CUBN: variants seen among roughly 807,000 people sequenced by gnomAD.
CUBN encodes 460 kDa receptor.
Under a neutral mutation model 405.3 loss-of-function variants are expected in CUBN, and 282 were observed. The ratio of observed to expected loss-of-function variants is 0.70; its 90% CI spans 0.63 to 0.77. The LOEUF (loss-of-function observed/expected upper bound fraction) is 0.77. Ranked by LOEUF, CUBN falls within the 30% of genes least tolerant of loss-of-function variation. CUBN has a pLI of 0.00. For synonymous variants in CUBN, 1,684 were observed against 1,617.0 expected, an observed-to-expected ratio of 1.04 and a Z score of -0.99; for missense variants, 4,514 against 4,475.2, an observed-to-expected ratio of 1.01 and a Z score of -0.25.
chr10:16,880,557 C>T (rs932437606), intron 56 of CUBN, among the ~76,000 whole-genome samples: 11 of 152,204 alleles, frequency 7.2e-5, no homozygotes, highest in African/African-American at 2.7e-4. Context: ...TCTAGAAGCC[C>T]TTCCTTTGAT....
At chr10:17,123,296 T>A (rs996286089) in intron 5 of CUBN, 5 of 494,440 alleles carry the variant, frequency 1.0e-5, no homozygotes, top group African/African-American at 9.7e-5. Context: ...AAGATTTGTT[T>A]GGTACTTTCC....
chr10:17,026,855 G>C (rs956853801), intron 27 of CUBN, among the ~76,000 whole-genome samples: 1 of 152,202 alleles, frequency 6.6e-6, no homozygotes, highest in Non-Finnish European at 1.5e-5. Flanking sequence ...GCCACTCATA[G>C]CATGCTCCCT....
intron 56 of CUBN, among the ~76,000 whole-genome samples, chr10:16,880,023 C>G (rs1211043953): frequency 6.6e-6 from 1 of 152,054 alleles, no homozygotes; most frequent in Non-Finnish European, 1.5e-5. Context: ...TGGAGTAGCA[C>G]AAAGTAAAAA....
intron 51 of CUBN, among the ~76,000 whole-genome samples, chr10:16,903,366 T>A (rs990221130): frequency 2.0e-5 from 3 of 152,110 alleles, no homozygotes; most frequent in Non-Finnish European, 4.4e-5. Flanking sequence ...CACATCCAGG[T>A]CAGAAACAAG....
intron 26 of CUBN, among the ~76,000 whole-genome samples, chr10:17,042,507 A>T (rs937462044): frequency 3.3e-5 from 5 of 152,198 alleles, no homozygotes; most frequent in African/African-American, 7.2e-5. Context: ...AGGATTCTGA[A>T]ATTATGACAG....
At chr10:17,003,370 C>G (rs1034998184) in intron 28 of CUBN, among the ~76,000 whole-genome samples, 1 of 152,154 alleles carries the variant, frequency 6.6e-6, no homozygotes, top group Admixed American at 6.5e-5. Flanking sequence ...TGATTCACAG[C>G]CCAGCCCTGT....
At position 17,044,987 on chromosome 10, in the gene CUBN, G is replaced by A. The variant is rs762191994; in HGVS notation, c.3672+20C>T. The A allele has an allele frequency of 1.1e-4, 180 of 1,609,920 alleles. No homozygotes were observed. The highest frequency in any genetic ancestry group is 1.4e-4 in the Non-Finnish European group (161 of 1,176,394). ...GTGAGATGGGAGCAGGGAACAATAT[G>A]ATGGAAACATTATACATACAGCCAG... On this transcript the variant is annotated intron_variant, in intron 25 of 66. Coordinates refer to ENST00000377833, the MANE Select transcript of CUBN (RefSeq NM_001081.4).
chr10:16,837,637 A>T (rs2131314619), intron 62 of CUBN, among the ~76,000 whole-genome samples: 1 of 152,032 alleles, frequency 6.6e-6, no homozygotes, highest in African/African-American at 2.4e-5. Context: ...CTCCAGTGCC[A>T]GCTAACCACT....
intron 55 of CUBN, among the ~76,000 whole-genome samples, chr10:16,888,848 TA>T (rs1840904510): frequency 6.6e-6 from 1 of 152,168 alleles, no homozygotes; most frequent in Non-Finnish European, 1.5e-5. Flanking sequence ...ATTAAGATAT[TA>T]AGAAAGGATA....
intron 36 of CUBN, among the ~76,000 whole-genome samples, chr10:16,944,648 T>A (rs1017688054): frequency 1.3e-5 from 2 of 152,220 alleles, no homozygotes; most frequent in Non-Finnish European, 2.9e-5. Context: ...ACGTCCATTT[T>A]AAAAATAAAA....
Position 17,054,220 on chromosome 10 carries a change from A to G in CUBN, c.3140-6617T>C, listed in dbSNP as rs1449505220. Among the ~76,000 whole-genome samples the G allele has an allele frequency of 4.0e-5, 6 of 151,442 alleles. No homozygotes were observed. The Admixed American group carries it at 4.0e-4, about 10-fold the overall frequency. Reference sequence around the variant, plus strand: ...GTGGCGAGCGCCTGTAATCCCAGCTACTTGGGAGGCTGAGGCAGGAGAATC... The same window carrying G: ...GTGGCGAGCGCCTGTAATCCCAGCTGCTTGGGAGGCTGAGGCAGGAGAATC... On this transcript the variant is annotated intron_variant, in intron 22 of 66. Coordinates refer to ENST00000377833, the MANE Select transcript of CUBN (RefSeq NM_001081.4).
rs200254154 is a variant in CUBN, at chr10:16,913,847, C to T, written c.7497G>A (p.Leu2499=). The T allele has an allele frequency of 2.5e-6, 4 of 1,613,974 alleles. No individual in the cohort carries two copies. The highest frequency in any genetic ancestry group is 3.4e-6 in the Non-Finnish European group (4 of 1,180,018). The change falls in exon 48 of 67, where the codon CTG becomes CTA. Residue 2499 remains leucine (L), a synonymous_variant. Coordinates refer to ENST00000377833, the MANE Select transcript of CUBN (RefSeq NM_001081.4). The part of the protein sequence containing the change: ...RITLMFNNLR[L]ATHPSCNNEH... Reference sequence around the variant, plus strand: ...CATTGTTGCAGGACGGATGCGTGGCCAGCCTCAGGTTGTTAAACATTAGGG... The same window carrying T: ...CATTGTTGCAGGACGGATGCGTGGCTAGCCTCAGGTTGTTAAACATTAGGG...
intron 28 of CUBN, among the ~76,000 whole-genome samples, chr10:17,008,945 G>A (rs1432612124): frequency 1.3e-5 from 2 of 152,078 alleles, no homozygotes; most frequent in African/African-American, 2.4e-5. Context: ...GATACATCAT[G>A]ATTTACGTCT....
Position 17,088,011 on chromosome 10 carries a change from TAG to T in CUBN, c.1947+151_1947+152del, listed in dbSNP as rs45628438. Among the ~76,000 whole-genome samples, 5,419 of 152,204 alleles carry T rather than the reference TAG, an allele frequency of 0.036. 134 individuals carry two copies. The highest frequency in any genetic ancestry group is 0.11 in the Middle Eastern group (32 of 294). On this transcript the variant is annotated intron_variant, in intron 15 of 66. Coordinates refer to ENST00000377833, the MANE Select transcript of CUBN (RefSeq NM_001081.4). ...AGCAACAAACAGGCACAGTTAAAAATAGAGACTTTGCAAGAGTTAGATATTGA... is the reference window on the plus strand; with the variant it reads ...AGCAACAAACAGGCACAGTTAAAAATAGACTTTGCAAGAGTTAGATATTGA...
chr10:17,062,368 T>C (rs530241959), intron 22 of CUBN, among the ~76,000 whole-genome samples: 47 of 152,346 alleles, frequency 3.1e-4, no homozygotes, highest in African/African-American at 6.7e-4. Flanking sequence ...TATTAATGTA[T>C]ATGCAATACA....
chr10:16,902,091 A>G (rs1284463421), intron 51 of CUBN, among the ~76,000 whole-genome samples: 2 of 137,040 alleles, frequency 1.5e-5, no homozygotes, highest in African/African-American at 2.7e-5. Context: ...CATATATAGT[A>G]TATATATATA....
Position 16,904,065 on chromosome 10 carries a change from T to C in CUBN, c.7963A>G (p.Thr2655Ala), listed in dbSNP as rs760521132. 5.0e-6 allele frequency: 8 copies of C among 1,613,474 alleles called. No individual in the cohort carries two copies. The East Asian group carries it at 1.3e-4, about 27-fold the overall frequency. Residue 2655 changes from threonine to alanine, a missense_variant, in exon 51 of 67, where the codon ACA (threonine) becomes GCA (alanine). This residue lies in a region of CUBN where 25 missense variants were observed against 48.5 expected (regional missense o/e 0.52). Transcript: ENST00000377833. ...GAATAAGGTATAACCAATGGCAATG[T>C]AGGCTTTGAAGGACCACAAAGTCTC... ...MWRLCGPSKP[T>A]LPLVIPYSQV...
chr10:17,104,274 C>G, intron 12 of CUBN, 145 bp downstream of exon 12: 1 of 678,026 alleles, frequency 1.5e-6, no homozygotes. Context: ...AATTTTATAC[C>G]ATTTCTGCAA....
At chr10:17,063,838 A>G (rs1588619582) in intron 22 of CUBN, among the ~76,000 whole-genome samples, 1 of 152,256 alleles carries the variant, frequency 6.6e-6, no homozygotes, top group East Asian at 1.9e-4. Context: ...AGATGATTAA[A>G]GCCAGAAGTC....
Sources: allele counts gnomAD v4.1 joint callset (sites outside exome capture counted in the v4.1 genomes callset), GRCh38; gene constraint gnomAD v4.1.1; regional missense constraint gnomAD v4.1.1; transcripts MANE v1.5; gene names NCBI Gene and HGNC (gene_info 2026-07-23, HGNC 2026-07-21).